NRG1: variants seen among roughly 807,000 people sequenced by gnomAD.
NRG1 encodes the protein neuregulin 1, also known as pro-neuregulin-1, membrane-bound isoform.
Under a neutral mutation model 63.8 loss-of-function variants are expected in NRG1, and 18 were observed. The observed-to-expected ratio is 0.28, with a 90% CI of 0.19 to 0.42. The LOEUF is 0.42. Ranked by LOEUF, NRG1 falls within the 10% of genes least tolerant of loss-of-function variation. The pLI is 1.00. For synonymous variants in NRG1, 302 were observed against 301.3 expected, an observed-to-expected ratio of 1.00 and a Z score of -0.02; for missense variants, 762 against 814.7, an observed-to-expected ratio of 0.94 and a Z score of 0.79.
chr8:31,748,168 A>G (rs563053723), intron 1 of NRG1, among the ~76,000 whole-genome samples: 2 of 152,118 alleles, frequency 1.3e-5, no homozygotes, highest in Admixed American at 6.6e-5. Flanking sequence ...TTTTCATACT[A>G]AAAAGGTTGG....
intron 1 of NRG1, among the ~76,000 whole-genome samples, chr8:32,470,235 C>T (rs1823651269): frequency 6.9e-6 from 1 of 144,708 alleles, no homozygotes; most frequent in South Asian, 2.2e-4. Context: ...GGCTGGAGTG[C>T]AGTGGCGCCA....
intron 1 of NRG1, among the ~76,000 whole-genome samples, chr8:32,356,482 C>T (rs78374534): frequency 1.5e-5 from 2 of 131,672 alleles, no homozygotes; most frequent in Non-Finnish European, 3.3e-5. Context: ...GGACCCCCCC[C>T]CCACCCGCCG....
chr8:32,204,365 A>G (rs980777978), intron 1 of NRG1, among the ~76,000 whole-genome samples: 1 of 152,214 alleles, frequency 6.6e-6, no homozygotes, highest in Non-Finnish European at 1.5e-5. Flanking sequence ...ACATGAACCT[A>G]TCGTTTTGTT....
intron 1 of NRG1, among the ~76,000 whole-genome samples, chr8:32,147,946 A>G (rs1837068377): frequency 1.3e-5 from 2 of 152,184 alleles, no homozygotes; most frequent in African/African-American, 2.4e-5. Flanking sequence ...AATAAAACTT[A>G]TAAAATGGGG....
chr8:32,728,419 A>G lies in NRG1; in HGVS notation c.632+341A>G, dbSNP rs991770643. ...CAGAGGCCTATAACTTTTGGTATCT[A>G]CTTCTACATCCAATGTATGAATTAA... On this transcript the variant is annotated intron_variant, in intron 6 of 11. Transcript: ENST00000356819. 4.1e-6 allele frequency: 4 copies of G among 985,254 alleles called. No individual in the cohort carries two copies. In the African/African-American group the frequency reaches 5.2e-5, roughly 13 times the overall value. The allele number at this position is 985,254 out of a possible 1,614,324, so 61.0% of individuals were successfully genotyped here. A position where few individuals can be genotyped will look rare whatever the true frequency, so the allele number is the denominator to read the frequency against.
intron 1 of NRG1, among the ~76,000 whole-genome samples, chr8:32,377,032 A>G (rs531596342): frequency 4.1e-4 from 63 of 152,304 alleles, no homozygotes; most frequent in African/African-American, 1.5e-3. Context: ...TTTACAGTAA[A>G]TGCAGAAGCG....
chr8:31,696,680 G>T (rs189899407), intron 1 of NRG1, among the ~76,000 whole-genome samples: 1 of 152,246 alleles, frequency 6.6e-6, no homozygotes, highest in African/African-American at 2.4e-5. Context: ...TTGTGTTCTT[G>T]TAGGTCTGTG....
At position 31,713,290 on chromosome 8, in the gene NRG1, G is replaced by A. The variant is rs1174626984; in HGVS notation, c.37+73859G>A. 4.0e-5 allele frequency among the ~76,000 whole-genome samples: 6 copies of A among 151,476 alleles called. No homozygotes were observed. In the South Asian group the frequency reaches 8.4e-4, roughly 21 times the overall value. ...CACCACCAAGCCCGGCTAATTTTTTGTATTTTTAGTGTAGACGGGGTTTCA... is the reference window on the plus strand; with the variant it reads ...CACCACCAAGCCCGGCTAATTTTTTATATTTTTAGTGTAGACGGGGTTTCA... On this transcript the variant is annotated intron_variant, in intron 1 of 10. Coordinates refer to the NRG1 transcript ENST00000519301.
At chr8:32,477,769 A>AGT (rs1171269009) in intron 1 of NRG1, among the ~76,000 whole-genome samples, 1 of 152,234 alleles carries the variant, frequency 6.6e-6, no homozygotes, top group Non-Finnish European at 1.5e-5. Flanking sequence ...TTATTAATTG[A>AGT]GTGTCTTCTC....
intron 1 of NRG1, among the ~76,000 whole-genome samples, chr8:32,203,852 T>C (rs928138130): frequency 1.3e-5 from 2 of 152,252 alleles, no homozygotes; most frequent in South Asian, 4.1e-4. Flanking sequence ...AGAGATGATA[T>C]CAGAGCTTGA....
intron 1 of NRG1, among the ~76,000 whole-genome samples, chr8:32,495,897 C>T (rs930827671): frequency 6.6e-5 from 10 of 152,166 alleles, no homozygotes; most frequent in South Asian, 4.1e-4. Context: ...TCCAGTCTAT[C>T]GTATTCTCAA....
intron 1 of NRG1, among the ~76,000 whole-genome samples, chr8:32,481,295 C>T (rs1365484414): frequency 6.6e-6 from 1 of 152,142 alleles, no homozygotes; most frequent in Non-Finnish European, 1.5e-5. Flanking sequence ...AGTGAGATTG[C>T]ACCACTGCAC....
At chr8:31,863,413 A>G (rs141953351) in intron 1 of NRG1, among the ~76,000 whole-genome samples, 171 of 152,312 alleles carry the variant, frequency 1.1e-3, no homozygotes, top group African/African-American at 4.1e-3. Context: ...GTTTAATGTT[A>G]CCTGCCAAGA....
intron 1 of NRG1, among the ~76,000 whole-genome samples, chr8:32,196,756 G>C (rs1842985286): frequency 6.6e-6 from 1 of 151,898 alleles, no homozygotes; most frequent in Non-Finnish European, 1.5e-5. Context: ...TAAGTAGTAT[G>C]TCTCAATCAA....
intron 1 of NRG1, among the ~76,000 whole-genome samples, chr8:31,871,323 G>A (rs1362977909): frequency 1.3e-5 from 2 of 152,092 alleles, no homozygotes. Context: ...CACGGTAAAT[G>A]AAAAAGGGCT....
intron 1 of NRG1, among the ~76,000 whole-genome samples, chr8:32,210,817 T>C (rs1035144661): frequency 2.6e-5 from 4 of 152,216 alleles, no homozygotes; most frequent in African/African-American, 9.6e-5. Flanking sequence ...GCTTTATCTC[T>C]GTCTACAGTA....
chr8:31,852,820 C>A (rs1488796787), intron 1 of NRG1, among the ~76,000 whole-genome samples: 1 of 152,158 alleles, frequency 6.6e-6, no homozygotes, highest in Non-Finnish European at 1.5e-5. Flanking sequence ...TTTCAGCTTT[C>A]TACATATGGC....
rs192321761 is a variant in NRG1 at position 31,930,426 on chromosome 8, T to G, written c.37+290995T>G. Among the ~76,000 whole-genome samples the G allele has an allele frequency of 2.5e-3, 383 of 152,314 alleles. 1 individual carries two copies. Among genetic ancestry groups the G allele is most frequent in the Non-Finnish European group, 3.1e-3 (208 of 68,024 alleles). ...TTTTCATTGACTAGAATTCCATGTG[T>G]GATACAATGATTTGGCAAAGTAAAT... On this transcript the variant is annotated intron_variant, in intron 1 of 10. Coordinates refer to the NRG1 transcript ENST00000519301.
intron 5 of NRG1, among the ~76,000 whole-genome samples, chr8:32,670,049 G>A (rs1168313028): frequency 6.6e-6 from 1 of 152,138 alleles, no homozygotes; most frequent in African/African-American, 2.4e-5. Context: ...GTCATTAAAT[G>A]TCCAAACACC....
Sources: gnomAD v4.1 joint callset for allele counts (sites outside exome capture counted in the v4.1 genomes callset) on GRCh38, gnomAD v4.1.1 for gene constraint, MANE v1.5 for transcripts, NCBI Gene and HGNC (gene_info 2026-07-23, HGNC 2026-07-21) for gene names.